CYB5R4: variants seen among roughly 807,000 people sequenced by gnomAD.
CYB5R4 encodes the protein N-terminal cytochrome b5 and cytochrome b5 oxidoreductase domain-containing protein.
CYB5R4 carries 55 observed loss-of-function variants against 70.2 expected under a neutral mutation model. That is an observed-to-expected ratio of 0.78 (90% CI 0.63 to 0.98). The LOEUF (loss-of-function observed/expected upper bound fraction) is 0.98, where lower values mean the gene tolerates loss of function less well. CYB5R4 is among the 50% of genes least tolerant of loss of function. The probability of loss-of-function intolerance (pLI) is 0.00; values close to 1 mark genes in which losing one functional copy is unlikely to be tolerated. For missense variants in CYB5R4, 562 were observed against 612.6 expected, an observed-to-expected ratio of 0.92 and a Z score of 0.87; for synonymous variants, 197 against 199.5, an observed-to-expected ratio of 0.99 and a Z score of 0.11.
intron 12 of CYB5R4, among the ~76,000 whole-genome samples, chr6:83,938,456 T>A (rs1260342585): frequency 6.6e-6 from 1 of 152,204 alleles, no homozygotes; most frequent in Non-Finnish European, 1.5e-5. Context: ...ATTATTCATC[T>A]CTTTGTTTCA....
chr6:83,962,392 C>G lies in CYB5R4; in HGVS notation c.*2514C>G, dbSNP rs559672048. On this transcript the variant is annotated 3_prime_UTR_variant, in exon 16 of 16. Transcript: ENST00000369681. ...GCACAGATAGGAGTATAGTTTATCA[C>G]TGTTATTCTCAAGCAAATAACTCAA... is the stretch of plus-strand genomic sequence containing the variant. 6.6e-5 allele frequency: 10 copies of G among 152,306 alleles called. No homozygotes were observed. The South Asian group carries it at 2.1e-3, about 32-fold the overall frequency. The allele number at this position is 152,306 out of a possible 1,614,324, so 9.4% of individuals were successfully genotyped here. A position where few individuals can be genotyped will look rare whatever the true frequency, so the allele number is the denominator to read the frequency against.
chr6:83,900,850 T>A (rs2099462812), intron 3 of CYB5R4, among the ~76,000 whole-genome samples: 1 of 152,108 alleles, frequency 6.6e-6, no homozygotes, highest in African/African-American at 2.4e-5. Context: ...TAATTTTGAG[T>A]CTATGTGTGT....
chr6:83,922,554 T>A, intron 9 of CYB5R4, 84 bp downstream of exon 9: 1 of 903,076 alleles, frequency 1.1e-6, no homozygotes, highest in East Asian at 2.5e-5. Flanking sequence ...AATTGAAAAA[T>A]TAGCATTTGT....
intron 2 of CYB5R4, among the ~76,000 whole-genome samples, chr6:83,878,222 C>T (rs61761498): frequency 0.011 from 1,650 of 152,030 alleles, 31 homozygotes; most frequent in African/African-American, 0.038. Flanking sequence ...TCCACATTTT[C>T]CACTAGATTA....
chr6:83,914,560 T>A, intron 5 of CYB5R4, 112 bp downstream of exon 5: 1 of 970,334 alleles, frequency 1.0e-6, no homozygotes, highest in Non-Finnish European at 1.4e-6. Context: ...CTTTTTGAGA[T>A]GGAGTATTGC....
chr6:83,885,882 AGTT>A (rs1459163384), intron 2 of CYB5R4, among the ~76,000 whole-genome samples: 2 of 152,098 alleles, frequency 1.3e-5, no homozygotes, highest in African/African-American at 2.4e-5. Flanking sequence ...ATTTACTTTT[AGTT>A]GTATATACTC....
chr6:83,924,107 G>C (rs1026719891), intron 9 of CYB5R4, among the ~76,000 whole-genome samples: 7 of 142,052 alleles, frequency 4.9e-5, no homozygotes, highest in South Asian at 2.2e-4. Flanking sequence ...ATTTGCTTTT[G>C]TGGGGGCATT....
intron 2 of CYB5R4, among the ~76,000 whole-genome samples, chr6:83,879,790 C>T (rs1304482321): frequency 6.6e-6 from 1 of 152,086 alleles, no homozygotes; most frequent in African/African-American, 2.4e-5. Flanking sequence ...GGACAGAATC[C>T]CCTTGTGTCT....
At chr6:83,953,979 A>G (rs988282406) in intron 14 of CYB5R4, among the ~76,000 whole-genome samples, 1 of 152,092 alleles carries the variant, frequency 6.6e-6, no homozygotes, top group African/African-American at 2.4e-5. Flanking sequence ...ATTACTTTGT[A>G]TTTTATGGGT....
chr6:83,925,173 A>G (rs924207332), intron 10 of CYB5R4, among the ~76,000 whole-genome samples: 1 of 152,146 alleles, frequency 6.6e-6, no homozygotes, highest in Non-Finnish European at 1.5e-5. Context: ...TTACAATCAT[A>G]GCAGAAGGTG....
chr6:83,880,010 A>G (rs530225308), intron 2 of CYB5R4, among the ~76,000 whole-genome samples: 1 of 152,232 alleles, frequency 6.6e-6, no homozygotes, highest in East Asian at 1.9e-4. Flanking sequence ...GATGGGCTCA[A>G]AATTTTATGA....
intron 2 of CYB5R4, among the ~76,000 whole-genome samples, chr6:83,887,436 A>G (rs181516873): frequency 6.6e-6 from 1 of 152,274 alleles, no homozygotes; most frequent in East Asian, 1.9e-4. Flanking sequence ...TTCCAGATAT[A>G]ACACAAAAGA....
At chr6:83,946,352 G>C (rs941503438) in intron 14 of CYB5R4, among the ~76,000 whole-genome samples, 1 of 152,070 alleles carries the variant, frequency 6.6e-6, no homozygotes, top group Non-Finnish European at 1.5e-5. Context: ...ATGCAGAAAA[G>C]GCCTTCAATA....
intron 2 of CYB5R4, among the ~76,000 whole-genome samples, chr6:83,866,994 A>G (rs2099456829): frequency 6.6e-6 from 1 of 152,108 alleles, no homozygotes; most frequent in Non-Finnish European, 1.5e-5. Context: ...CTCTTTGTAG[A>G]AATAAGATGT....
At chr6:83,930,254 T>A (rs1448222497) in intron 10 of CYB5R4, among the ~76,000 whole-genome samples, 3 of 152,134 alleles carry the variant, frequency 2.0e-5, no homozygotes, top group Non-Finnish European at 4.4e-5. Flanking sequence ...TAAGAAAAAA[T>A]GAAGTTTGCC....
In CYB5R4 at chr6:83,962,926, C is replaced by T. The variant is rs1293601243; in HGVS notation, c.*3048C>T. On this transcript the variant is annotated 3_prime_UTR_variant, in exon 16 of 16. Transcript: ENST00000369681. ...TGAATTCCCTTGTGGGCTTCTTCAG[C>T]ATTGGTAGATGAATCTTATGCTTTC... 1 of 152,208 alleles carries T rather than the reference C, an allele frequency of 6.6e-6. No homozygotes were observed. The highest frequency in any genetic ancestry group is 1.5e-5 in the Non-Finnish European group (1 of 68,036). 9.4% of individuals were successfully genotyped at this position (152,208 alleles called of 1,614,324 possible).
chr6:83,922,594 G>T, intron 9 of CYB5R4, 124 bp downstream of exon 9: 3 of 663,646 alleles, frequency 4.5e-6, no homozygotes, highest in South Asian at 4.0e-5. Context: ...TTTTCACATT[G>T]CAAAACAAAG....
chr6:83,956,531 C>G (rs777141979), intron 15 of CYB5R4, among the ~76,000 whole-genome samples: 3 of 152,150 alleles, frequency 2.0e-5, no homozygotes, highest in Non-Finnish European at 4.4e-5. Flanking sequence ...TGAAGTCTTA[C>G]AGTGGCTGCC....
Position 83,960,781 on chromosome 6 carries a change from C to T in CYB5R4, c.*903C>T, listed in dbSNP as rs2099473207. On this transcript the variant is annotated 3_prime_UTR_variant, in exon 16 of 16. Coordinates refer to ENST00000369681, the MANE Select transcript of CYB5R4 (RefSeq NM_016230.4). ...CCCTGGTTGGCTGCTTTCTCCACAA[C>T]TGGTGGTTCAGCAGGAAGCCCTCTT... 6.6e-6 allele frequency: 1 copy of T among 152,210 alleles called. No individual in the cohort carries two copies. The highest frequency in any genetic ancestry group is 2.4e-5 in the African/African-American group (1 of 41,450). 9.4% of individuals were successfully genotyped at this position (152,210 alleles called of 1,614,324 possible). A position where few individuals can be genotyped will look rare whatever the true frequency, so the allele number is the denominator to read the frequency against.
Sources: gnomAD v4.1 joint callset for allele counts (sites outside exome capture counted in the v4.1 genomes callset) on GRCh38, gnomAD v4.1.1 for gene constraint, MANE v1.5 for transcripts, NCBI Gene and HGNC (gene_info 2026-07-23, HGNC 2026-07-21) for gene names.